RBFOX3: variants seen among roughly 807,000 people sequenced by gnomAD.
RBFOX3 encodes RNA binding fox-1 homolog 3, also known as RNA binding protein fox-1 homolog 3.
A neutral mutation model predicts 48.7 loss-of-function variants in RBFOX3; 17 were observed. The ratio of observed to expected loss-of-function variants is 0.35; its 90% confidence interval spans 0.24 to 0.52. The LOEUF is 0.52. Ranked by LOEUF, RBFOX3 falls within the 20% of genes least tolerant of loss-of-function variation. RBFOX3 has a pLI of 0.94. For synonymous variants in RBFOX3, 212 were observed against 209.5 expected, an observed-to-expected ratio of 1.01 and a Z score of -0.10; for missense variants, 382 against 497.5, an observed-to-expected ratio of 0.77 and a Z score of 2.21.
intron 1 of RBFOX3, among the ~76,000 whole-genome samples, chr17:79,606,958 A>G (rs1377485756): frequency 6.6e-6 from 1 of 152,218 alleles, no homozygotes; most frequent in African/African-American, 2.4e-5. Context: ...TATAGAGGAC[A>G]GGGATGGCTC....
chr17:79,115,376 C>T lies in RBFOX3; in HGVS notation c.222+118G>A, dbSNP rs535416828. The stretch of plus-strand genomic sequence containing the variant: ...AGGCCTGCCCTCCACACACAGAGGC[C>T]CTGCCCAGGCCCCTCGCCCACCTGG... On this transcript the variant is annotated intron_variant, in intron 5 of 14. Coordinates refer to ENST00000693108, the MANE Select transcript of RBFOX3 (RefSeq NM_001350451.2). 3 of 567,324 alleles carry T rather than the reference C, an allele frequency of 5.3e-6. No individual in the cohort carries two copies. In the South Asian group the frequency reaches 2.6e-4, roughly 48 times the overall value. The allele number at this position is 567,324 out of a possible 1,614,324, so 35.1% of individuals were successfully genotyped here. A position where few individuals can be genotyped will look rare whatever the true frequency, so the allele number is the denominator to read the frequency against.
intron 3 of RBFOX3, among the ~76,000 whole-genome samples, chr17:79,272,143 C>T (rs2067846797): frequency 6.6e-6 from 1 of 152,160 alleles, no homozygotes; most frequent in South Asian, 2.1e-4. Context: ...GTGTGGGGCT[C>T]CCTGCTGGAG....
the RBFOX3 span, among the ~76,000 whole-genome samples, chr17:79,648,448 G>C: frequency 0.015 from 2,284 of 152,338 alleles, 70 homozygotes; most frequent in African/African-American, 0.052. Context: ...AAGCTCTCCA[G>C]ACCCCTGCAA....
chr17:79,383,337 GC>G (rs1184151868), intron 2 of RBFOX3, among the ~76,000 whole-genome samples: 1 of 152,234 alleles, frequency 6.6e-6, no homozygotes, highest in Non-Finnish European at 1.5e-5. Flanking sequence ...TCCCCAAGCG[GC>G]CCAAGAAGGT....
intron 2 of RBFOX3, among the ~76,000 whole-genome samples, chr17:79,454,349 G>A (rs2074099239): frequency 6.6e-6 from 1 of 152,136 alleles, no homozygotes; most frequent in Admixed American, 6.5e-5. Context: ...CCCAGGGCCA[G>A]GTGGCTCTGT....
chr17:79,270,758 C>G (rs1212106758), intron 3 of RBFOX3, among the ~76,000 whole-genome samples: 1 of 152,260 alleles, frequency 6.6e-6, no homozygotes, highest in Non-Finnish European at 1.5e-5. Context: ...TGTGGGGAAG[C>G]CCTCCTGCTT....
chr17:79,450,390 C>T (rs1197752652), intron 2 of RBFOX3, among the ~76,000 whole-genome samples: 3 of 152,146 alleles, frequency 2.0e-5, no homozygotes, highest in African/African-American at 7.2e-5. Context: ...AGGAGCACCT[C>T]CCTACAGATG....
intron 2 of RBFOX3, among the ~76,000 whole-genome samples, chr17:79,444,930 T>C (rs931303669): frequency 1.3e-5 from 2 of 152,084 alleles, no homozygotes; most frequent in Admixed American, 6.5e-5. Context: ...CCATTCACAG[T>C]CACTGCCCAT....
intron 1 of RBFOX3, among the ~76,000 whole-genome samples, chr17:79,525,497 C>A (rs1477252573): frequency 6.6e-6 from 1 of 152,208 alleles, no homozygotes; most frequent in African/African-American, 2.4e-5. Flanking sequence ...TCCCAGTCTT[C>A]CCGGAGGGGC....
chr17:79,640,848 C>A, the RBFOX3 span, among the ~76,000 whole-genome samples: 1 of 152,060 alleles, frequency 6.6e-6, no homozygotes, highest in Non-Finnish European at 1.5e-5. Context: ...AGCCATAAAA[C>A]TACTAGAAGA....
At chr17:79,147,832 G>C (rs926155600) in intron 4 of RBFOX3, among the ~76,000 whole-genome samples, 1 of 152,226 alleles carries the variant, frequency 6.6e-6, no homozygotes, top group Non-Finnish European at 1.5e-5. Context: ...AAGCGCCTTC[G>C]ATCCAGCCTC....
At chr17:79,511,729 ATGT>A (rs2084251707) in intron 1 of RBFOX3, among the ~76,000 whole-genome samples, 4 of 150,822 alleles carry the variant, frequency 2.7e-5, no homozygotes, top group East Asian at 2.0e-4. Flanking sequence ...ACCCGGATAC[ATGT>A]TACCATCGGG....
intron 3 of RBFOX3, among the ~76,000 whole-genome samples, chr17:79,260,448 G>T (rs547170681): frequency 4.7e-4 from 72 of 152,356 alleles, no homozygotes; most frequent in African/African-American, 1.7e-3. Flanking sequence ...TGAGAAGAAA[G>T]AACGTGGCCT....
intron 3 of RBFOX3, among the ~76,000 whole-genome samples, chr17:79,236,375 G>A (rs187825364): frequency 6.6e-6 from 1 of 152,020 alleles, no homozygotes; most frequent in African/African-American, 2.4e-5. Flanking sequence ...TGCAACCTCC[G>A]CCTCCTGGGT....
chr17:79,305,156 C>T (rs2075921490), intron 3 of RBFOX3, among the ~76,000 whole-genome samples: 2 of 152,072 alleles, frequency 1.3e-5, no homozygotes, highest in Admixed American at 1.3e-4. Context: ...ATGGTGGCCC[C>T]AGGTGGCTCA....
intron 2 of RBFOX3, among the ~76,000 whole-genome samples, chr17:79,434,320 G>A (rs1292271960): frequency 6.6e-6 from 1 of 152,194 alleles, no homozygotes; most frequent in Non-Finnish European, 1.5e-5. Flanking sequence ...AGATGAATTT[G>A]CAAATACAGA....
At chr17:79,457,962 C>T (rs1397595260) in intron 2 of RBFOX3, among the ~76,000 whole-genome samples, 1 of 152,238 alleles carries the variant, frequency 6.6e-6, no homozygotes, top group African/African-American at 2.4e-5. Flanking sequence ...TTGCATCCAG[C>T]AGTCAGGCCA....
intron 2 of RBFOX3, among the ~76,000 whole-genome samples, chr17:79,464,503 A>G (rs2076058433): frequency 6.6e-6 from 1 of 152,234 alleles, no homozygotes; most frequent in Non-Finnish European, 1.5e-5. Flanking sequence ...GCCCGAGGAC[A>G]GGCGACAGAT....
Position 79,335,502 on chromosome 17 carries a change from C to T in RBFOX3, c.-174-27678G>A, listed in dbSNP as rs1212056036. ...GAGGAGGCTGAGGTCCGACACTTGG[C>T]CATGCACGGATCCTCTAGAATCAGG... On this transcript the variant is annotated intron_variant, in intron 2 of 14. Transcript: ENST00000693108. Among the ~76,000 whole-genome samples, 2 of 152,210 alleles carry T rather than the reference C, an allele frequency of 1.3e-5. 1 individual carries two copies. Among genetic ancestry groups the T allele is most frequent in the African/African-American group, 4.8e-5 (2 of 41,454 alleles).
Sources: gnomAD v4.1 joint callset for allele counts (sites outside exome capture counted in the v4.1 genomes callset) on GRCh38, gnomAD v4.1.1 for gene constraint, MANE v1.5 for transcripts, NCBI Gene and HGNC (gene_info 2026-07-23, HGNC 2026-07-21) for gene names.